The following DOCK2 variants were observed in gnomAD, a reference collection of about 807,000 sequenced individuals.
DOCK2 encodes the protein dedicator of cytokinesis protein 2.
DOCK2 carries 87 observed loss-of-function variants against 248.9 expected under a neutral mutation model. The observed-to-expected ratio is 0.35, with a 90% CI of 0.29 to 0.42. The LOEUF (loss-of-function observed/expected upper bound fraction) is 0.42, where lower values mean the gene tolerates loss of function less well. Ranked by LOEUF, DOCK2 falls within the 10% of genes least tolerant of loss-of-function variation. The pLI is 1.00. For missense variants in DOCK2, 1,747 were observed against 2,300.2 expected (o/e 0.76, Z 4.92); for synonymous variants, 805 against 821.6 (o/e 0.98, Z 0.35).
chr5:170,049,563 G>A (rs1181861426), intron 40 of DOCK2, among the ~76,000 whole-genome samples: 1 of 152,204 alleles, frequency 6.6e-6, no homozygotes, highest in Non-Finnish European at 1.5e-5. Flanking sequence ...GATGTCTAGA[G>A]CAGAGTTTCT....
At chr5:169,729,646 G>T (rs1397927675) in intron 22 of DOCK2, among the ~76,000 whole-genome samples, 2 of 152,216 alleles carry the variant, frequency 1.3e-5, no homozygotes, top group Non-Finnish European at 2.9e-5. Flanking sequence ...TCTTCATGCT[G>T]CCCTTATATT....
chr5:169,774,567 G>A (rs978657432), intron 25 of DOCK2, among the ~76,000 whole-genome samples: 4 of 152,198 alleles, frequency 2.6e-5, no homozygotes, highest in East Asian at 1.9e-4. Flanking sequence ...GAACAGAAGA[G>A]TTTCTGTCCC....
chr5:169,851,808 C>T (rs868716103), intron 27 of DOCK2, among the ~76,000 whole-genome samples: 2 of 152,040 alleles, frequency 1.3e-5, no homozygotes, highest in South Asian at 2.1e-4. Flanking sequence ...TTTATAAAAC[C>T]ATCAGATCTC....
At chr5:169,646,037 C>A (rs1757440442) in intron 1 of DOCK2, among the ~76,000 whole-genome samples, 1 of 152,202 alleles carries the variant, frequency 6.6e-6, no homozygotes. Flanking sequence ...GCATGAGCCA[C>A]CACGCCCAGC....
chr5:170,018,280 G>T lies in DOCK2; in HGVS notation c.3233-680G>T, dbSNP rs918469713. ...GGTATTGGGTTAGGGAGCAGACAGG[G>T]AAAAGTATTCTCAGCAAAGGGGCAT... On this transcript the variant is annotated intron_variant, in intron 32 of 51. Coordinates refer to ENST00000520908, the MANE Select transcript of DOCK2 (RefSeq NM_004946.3). Among the ~76,000 whole-genome samples the T allele has an allele frequency of 5.3e-5, 8 of 152,276 alleles. No homozygotes were observed. The South Asian group carries it at 1.2e-3, about 24-fold the overall frequency.
At chr5:169,812,195 T>C (rs946328415) in intron 26 of DOCK2, among the ~76,000 whole-genome samples, 2 of 152,242 alleles carry the variant, frequency 1.3e-5, no homozygotes. Flanking sequence ...CTTGCATTAC[T>C]GCCTGAGCTC....
intron 26 of DOCK2, among the ~76,000 whole-genome samples, chr5:169,828,228 T>C (rs1768998307): frequency 6.6e-6 from 1 of 152,190 alleles, no homozygotes; most frequent in South Asian, 2.1e-4. Context: ...ATCGACATAC[T>C]CCCTCTGTCA....
chr5:170,059,409 T>G (rs975827826), intron 44 of DOCK2, among the ~76,000 whole-genome samples: 8 of 152,190 alleles, frequency 5.3e-5, no homozygotes, highest in Non-Finnish European at 1.0e-4. Flanking sequence ...TAGCCCTGAC[T>G]GAGCCCTGTC....
chr5:169,679,877 T>G (rs1759561692), intron 6 of DOCK2, among the ~76,000 whole-genome samples: 1 of 152,226 alleles, frequency 6.6e-6, no homozygotes, highest in Non-Finnish European at 1.5e-5. Context: ...TTAGTTTCCT[T>G]CATTTGTCCT....
intron 49 of DOCK2, 188 bp downstream of exon 49, chr5:170,079,334 G>T (rs1371634349): frequency 6.8e-6 from 5 of 733,024 alleles, no homozygotes; most frequent in Non-Finnish European, 1.1e-5. Flanking sequence ...CAGCTGGGGT[G>T]GCTGGGACAT....
intron 27 of DOCK2, among the ~76,000 whole-genome samples, chr5:169,892,280 A>T (rs1022096022): frequency 6.6e-6 from 1 of 152,224 alleles, no homozygotes; most frequent in Non-Finnish European, 1.5e-5. Flanking sequence ...TGAGACTCTG[A>T]GCAGCTGTCT....
At chr5:169,897,484 C>T (rs1029681476) in intron 27 of DOCK2, among the ~76,000 whole-genome samples, 9 of 152,196 alleles carry the variant, frequency 5.9e-5, no homozygotes, top group East Asian at 1.9e-4. Context: ...CCACCGTACT[C>T]GGCCAGGAAT....
At chr5:170,075,809 G>A in intron 46 of DOCK2, 138 bp from the exon 47 acceptor site, 3 of 1,114,916 alleles carry the variant, frequency 2.7e-6, no homozygotes, top group Admixed American at 4.3e-5. Context: ...GGGACCGTGT[G>A]TGCAGGTTTC....
chr5:169,819,209 T>C (rs1168042206), intron 26 of DOCK2, among the ~76,000 whole-genome samples: 1 of 152,084 alleles, frequency 6.6e-6, no homozygotes, highest in African/African-American at 2.4e-5. Context: ...ACTCAGGACG[T>C]TGAGGAAGGA....
At chr5:170,028,046 C>G (rs1755984430) in intron 34 of DOCK2, 98 bp downstream of exon 34, 3 of 1,064,212 alleles carry the variant, frequency 2.8e-6, no homozygotes, top group Non-Finnish European at 4.0e-6. Context: ...CTGTCCTCCC[C>G]TGGAGATGGA....
chr5:170,045,100 T>A (rs1756654575), intron 38 of DOCK2, among the ~76,000 whole-genome samples: 2 of 151,704 alleles, frequency 1.3e-5, no homozygotes, highest in Admixed American at 6.6e-5. Flanking sequence ...AAAGTCTTAA[T>A]TTTTTTTTAA....
At chr5:170,073,107 A>G (rs1424733995) in intron 46 of DOCK2, among the ~76,000 whole-genome samples, 4 of 152,124 alleles carry the variant, frequency 2.6e-5, no homozygotes, top group South Asian at 2.1e-4. Context: ...ATATTCTCCT[A>G]TGTTTTATTC....
intron 27 of DOCK2, among the ~76,000 whole-genome samples, chr5:169,920,862 G>A (rs62384857): frequency 0.41 from 62,113 of 151,972 alleles, 13,524 homozygotes; most frequent in African/African-American, 0.57. Flanking sequence ...TAGGACACCT[G>A]TATCTCCTCC....
At chr5:169,771,498 G>T (rs1397688596) in intron 25 of DOCK2, among the ~76,000 whole-genome samples, 1 of 152,074 alleles carries the variant, frequency 6.6e-6, no homozygotes, top group Non-Finnish European at 1.5e-5. Context: ...GGTCAGGCTG[G>T]TCTTGAACTC....
Sources: allele counts gnomAD v4.1 joint callset (sites outside exome capture counted in the v4.1 genomes callset), GRCh38; gene constraint gnomAD v4.1.1; transcripts MANE v1.5; gene names NCBI Gene and HGNC (gene_info 2026-07-23, HGNC 2026-07-21).